Variants in ETV6 observed in about 807,000 individuals in gnomAD.
The protein encoded by ETV6 is transcription factor ETV6.
Under a neutral mutation model 51.1 loss-of-function variants are expected in ETV6, and 16 were observed. That is an observed-to-expected ratio of 0.31 (90% CI 0.21 to 0.48). The LOEUF (loss-of-function observed/expected upper bound fraction) is 0.48, where lower values mean the gene tolerates loss of function less well. Ranked by LOEUF, ETV6 falls within the 20% of genes least tolerant of loss-of-function variation. ETV6 has a pLI of 0.99. For synonymous variants in ETV6, 240 were observed against 224.1 expected (o/e 1.07, Z -0.64); for missense variants, 458 against 594.8 (o/e 0.77, Z 2.39).
At chr12:11,777,235 G>A (rs1208978264) in intron 2 of ETV6, among the ~76,000 whole-genome samples, 6 of 73,192 alleles carry the variant, frequency 8.2e-5, no homozygotes, top group Admixed American at 4.2e-4. Flanking sequence ...GTGAGACTCC[G>A]TGTCAAAAAA....
At chr12:11,756,663 AG>A (rs1252758890) in intron 2 of ETV6, among the ~76,000 whole-genome samples, 1 of 152,138 alleles carries the variant, frequency 6.6e-6, no homozygotes, top group African/African-American at 2.4e-5. Flanking sequence ...TAGTCTCGCA[AG>A]GGAGGGATGT....
intron 1 of ETV6, among the ~76,000 whole-genome samples, chr12:11,742,257 C>A (rs1865823875): frequency 6.6e-6 from 1 of 152,174 alleles, no homozygotes; most frequent in African/African-American, 2.4e-5. Flanking sequence ...GGTATTAATG[C>A]TGGTGGCATT....
chr12:11,854,207 G>A (rs953743649), intron 4 of ETV6, among the ~76,000 whole-genome samples: 4 of 151,750 alleles, frequency 2.6e-5, no homozygotes, highest in Non-Finnish European at 4.4e-5. Flanking sequence ...TCATGATAGC[G>A]TTTGTGCTTC....
intron 2 of ETV6, among the ~76,000 whole-genome samples, chr12:11,799,532 A>G (rs1255906818): frequency 1.3e-5 from 2 of 152,164 alleles, no homozygotes; most frequent in African/African-American, 2.4e-5. Context: ...TCTTTGACAT[A>G]CCTTCATGTG....
chr12:11,780,774 G>A (rs1945402749), intron 2 of ETV6, among the ~76,000 whole-genome samples: 1 of 152,212 alleles, frequency 6.6e-6, no homozygotes, highest in Non-Finnish European at 1.5e-5. Context: ...GCCAATCTTG[G>A]GATTCCCCCA....
intron 1 of ETV6, among the ~76,000 whole-genome samples, chr12:11,732,321 C>T (rs139421430): frequency 1.3e-5 from 2 of 152,162 alleles, no homozygotes; most frequent in East Asian, 1.9e-4. Flanking sequence ...ACCTGATTTC[C>T]GAAACAAGAA....
intron 2 of ETV6, among the ~76,000 whole-genome samples, chr12:11,785,505 GC>G (rs201194243): frequency 0.011 from 1,666 of 152,244 alleles, 34 homozygotes; most frequent in African/African-American, 0.038. Context: ...TTCGTTCATT[GC>G]TGTGTCCCTG....
At chr12:11,862,660 A>G (rs1324461847) in intron 4 of ETV6, among the ~76,000 whole-genome samples, 1 of 152,144 alleles carries the variant, frequency 6.6e-6, no homozygotes, top group East Asian at 1.9e-4. Context: ...TCCAGAGTAT[A>G]CTTTTTATAA....
intron 2 of ETV6, among the ~76,000 whole-genome samples, chr12:11,790,107 T>TG (rs956140599): frequency 2.0e-4 from 31 of 151,972 alleles, no homozygotes; most frequent in African/African-American, 4.6e-4. Flanking sequence ...CTTCTTTTTT[T>TG]TTTGTTTCTG....
At chr12:11,703,112 AAAC>A (rs1465081191) in intron 1 of ETV6, among the ~76,000 whole-genome samples, 1 of 152,206 alleles carries the variant, frequency 6.6e-6, no homozygotes, top group African/African-American at 2.4e-5. Context: ...CTCTGGAAGA[AAAC>A]AAACAAGTGA....
At chr12:11,839,831 G>T (rs1352663260) in intron 3 of ETV6, among the ~76,000 whole-genome samples, 1 of 152,210 alleles carries the variant, frequency 6.6e-6, no homozygotes, top group African/African-American at 2.4e-5. Context: ...AGTGAGCTGA[G>T]ATTGCACCAC....
In ETV6 at chr12:11,893,898, C is replaced by T; in HGVS notation, c.*2852C>T. 1.0e-5 allele frequency: 2 copies of T among 190,484 alleles called. No homozygotes were observed. Among genetic ancestry groups the T allele is most frequent in the Non-Finnish European group, 2.1e-5 (2 of 94,362 alleles). The allele number at this position is 190,484 out of a possible 1,614,324, so 11.8% of individuals were successfully genotyped here. The stretch of plus-strand genomic sequence containing the variant: ...GATACAAAAAAAAACATTTAAAAAT[C>T]CGAGACCCAGAACACTTCTGGTCCC... On this transcript the variant is annotated 3_prime_UTR_variant, in exon 8 of 8. Transcript: ENST00000396373.
intron 2 of ETV6, among the ~76,000 whole-genome samples, chr12:11,802,173 G>C (rs1309073470): frequency 6.6e-6 from 1 of 152,172 alleles, no homozygotes; most frequent in Admixed American, 6.5e-5. Context: ...TGAGAGGATG[G>C]GATGGCCCTT....
At chr12:11,879,192 C>T (rs1054780714) in intron 5 of ETV6, among the ~76,000 whole-genome samples, 1 of 152,204 alleles carries the variant, frequency 6.6e-6, no homozygotes, top group African/African-American at 2.4e-5. Flanking sequence ...CAGGGACACT[C>T]AGCCTCTCTT....
At chr12:11,696,283 A>G (rs991019628) in intron 1 of ETV6, among the ~76,000 whole-genome samples, 2 of 152,124 alleles carry the variant, frequency 1.3e-5, no homozygotes, top group African/African-American at 4.8e-5. Flanking sequence ...AGTGATTTTC[A>G]TCTGTTTGTC....
At position 11,887,937 on chromosome 12, in the gene ETV6, C is replaced by T. The variant is rs79161809; in HGVS notation, c.1253+1911C>T. On this transcript the variant is annotated intron_variant, in intron 7 of 7. Coordinates refer to ENST00000396373, the MANE Select transcript of ETV6 (RefSeq NM_001987.5). ...ACCATTCCCACTCTATTCTGTGTTGCAGGGGCTAGAAGCCTGGGAACTACA... is the reference window on the plus strand; with the variant it reads ...ACCATTCCCACTCTATTCTGTGTTGTAGGGGCTAGAAGCCTGGGAACTACA... 5.3e-3 allele frequency among the ~76,000 whole-genome samples: 810 copies of T among 152,232 alleles called. 9 individuals are homozygous for T. The highest frequency in any genetic ancestry group is 0.019 in the African/African-American group (774 of 41,526).
chr12:11,689,137 G>T (rs1202642014), intron 1 of ETV6, among the ~76,000 whole-genome samples: 1 of 151,948 alleles, frequency 6.6e-6, no homozygotes, highest in African/African-American at 2.4e-5. Flanking sequence ...GGGAAAATGG[G>T]GCGGGGGGGC....
intron 1 of ETV6, among the ~76,000 whole-genome samples, chr12:11,728,831 AT>A (rs750506288): frequency 5.3e-5 from 8 of 152,144 alleles, no homozygotes; most frequent in South Asian, 2.1e-4. Context: ...ACCTGAAAAG[AT>A]TTTTTTCTAA....
At chr12:11,828,485 A>C (rs1591703961) in intron 2 of ETV6, among the ~76,000 whole-genome samples, 1 of 152,148 alleles carries the variant, frequency 6.6e-6, no homozygotes, top group South Asian at 2.1e-4. Context: ...AGAGACATAT[A>C]TCTCTCTTAA....
Sources: allele counts gnomAD v4.1 joint callset (sites outside exome capture counted in the v4.1 genomes callset), GRCh38; gene constraint gnomAD v4.1.1; transcripts MANE v1.5; gene names NCBI Gene and HGNC (gene_info 2026-07-23, HGNC 2026-07-21).